Variants in LITAF observed in about 807,000 individuals in gnomAD.
LITAF encodes lipopolysaccharide induced TNF factor.
A neutral mutation model predicts 14.5 loss-of-function variants in LITAF; 9 were observed. The observed-to-expected ratio is 0.62, with a 90% confidence interval of 0.37 to 1.08. The LOEUF is 1.08. Among genes scored for constraint, LITAF ranks in the 50% least tolerant of loss-of-function variants. The pLI is 0.01. For synonymous variants in LITAF, 98 were observed against 88.2 expected (o/e 1.11, Z -0.62); for missense variants, 206 against 213.4 (o/e 0.97, Z 0.22).
chr16:11,613,158 T>G (rs13331560), intron 3 of LITAF, among the ~76,000 whole-genome samples: 78,901 of 152,042 alleles, frequency 0.52, 23,222 homozygotes, highest in African/African-American at 0.81. Context: ...TCCTGCCTCA[T>G]CCTCCCGAGT....
At chr16:11,631,848 CTTTTCT>C (rs1028843130) in intron 3 of LITAF, among the ~76,000 whole-genome samples, 11 of 142,592 alleles carry the variant, frequency 7.7e-5, no homozygotes, top group Non-Finnish European at 1.5e-4. Flanking sequence ...ATTTTCTTTT[CTTTTCT>C]TTTTTTTTTT....
intron 3 of LITAF, chr16:11,633,437 T>G (rs2065126662): frequency 6.6e-6 from 1 of 152,214 alleles, no homozygotes; most frequent in Non-Finnish European, 1.5e-5. Context: ...TTAGGCATTC[T>G]AAGTCACGGG....
At chr16:11,635,708 T>C (rs2065135451) in intron 2 of LITAF, 1 of 152,280 alleles carries the variant, frequency 6.6e-6, no homozygotes, top group South Asian at 2.1e-4. Context: ...TCCCTTCCTC[T>C]GGGCCAGTGT....
At chr16:11,633,765 C>T (rs935678224) in intron 2 of LITAF, 1 of 152,174 alleles carries the variant, frequency 6.6e-6, no homozygotes. Context: ...AGTGGCCATT[C>T]TTTATTCCTT....
chr16:11,617,017 C>T (rs1436241397), intron 3 of LITAF, among the ~76,000 whole-genome samples: 2 of 151,216 alleles, frequency 1.3e-5, no homozygotes, highest in East Asian at 2.0e-4. Context: ...GTCAGGAGTT[C>T]GAGACCAGCC....
chr16:11,569,724 A>C (rs1267091020), intron 1 of LITAF, among the ~76,000 whole-genome samples: 1 of 152,220 alleles, frequency 6.6e-6, no homozygotes, highest in Non-Finnish European at 1.5e-5. Flanking sequence ...GGAAATAAAA[A>C]GGGCTAAAAG....
At chr16:11,598,180 G>A (rs1302877966) in intron 1 of LITAF, among the ~76,000 whole-genome samples, 1 of 152,134 alleles carries the variant, frequency 6.6e-6, no homozygotes, top group South Asian at 2.1e-4. Context: ...TTACAGGCAT[G>A]AGCCTCTGTG....
chr16:11,638,837 C>T (rs1475817815), upstream of LITAF, among the ~76,000 whole-genome samples: 1 of 149,570 alleles, frequency 6.7e-6, no homozygotes, highest in Admixed American at 6.7e-5. Flanking sequence ...ATTTTTAATT[C>T]CACAATCTCA....
chr16:11,568,012 G>C (rs1295381209), intron 1 of LITAF, among the ~76,000 whole-genome samples: 1 of 151,686 alleles, frequency 6.6e-6, no homozygotes. Context: ...TTCCAGCAGG[G>C]CACAGTGACT....
upstream of LITAF, among the ~76,000 whole-genome samples, chr16:11,602,529 G>C (rs1051171709): frequency 1.8e-4 from 27 of 152,038 alleles, no homozygotes; most frequent in African/African-American, 6.3e-4. Flanking sequence ...GTCTACAGCA[G>C]GTGTCTGTCT....
intron 3 of LITAF, among the ~76,000 whole-genome samples, chr16:11,627,548 T>TA (rs1292926384): frequency 1.3e-5 from 2 of 152,190 alleles, no homozygotes; most frequent in Non-Finnish European, 2.9e-5. Flanking sequence ...GTATTAGACT[T>TA]AAAAAAATAC....
At chr16:11,624,492 A>G (rs2065071361) in intron 3 of LITAF, among the ~76,000 whole-genome samples, 1 of 152,228 alleles carries the variant, frequency 6.6e-6, no homozygotes, top group East Asian at 1.9e-4. Flanking sequence ...AAGGAGCCCT[A>G]GATGCTGACA....
At position 11,577,443 on chromosome 16, in the gene LITAF, G is replaced by A. The variant is rs1040151226; in HGVS notation, c.-6+9443C>T. Among the ~76,000 whole-genome samples, 57 of 148,836 alleles carry A rather than the reference G, an allele frequency of 3.8e-4. 2 individuals are homozygous for A. Among genetic ancestry groups the A allele is most frequent in the Admixed American group, 3.7e-3 (54 of 14,552 alleles). ...AGCAATTGTCCTGCCTCAGCCTCCC[G>A]AGTAGCCGAGATTACAGGCACCCAC... On this transcript the variant is annotated intron_variant, in intron 1 of 3. Coordinates refer to ENST00000622633, the MANE Select transcript of LITAF (RefSeq NM_001136472.2).
chr16:11,553,359 C>T lies in LITAF; in HGVS notation c.377+174G>A, dbSNP rs953157660. The T allele has an allele frequency of 1.9e-5, 13 of 679,628 alleles. No individual in the cohort carries two copies. The highest frequency in any genetic ancestry group is 3.6e-5 in the African/African-American group (2 of 56,002). 42.1% of individuals were successfully genotyped at this position (679,628 alleles called of 1,614,324 possible). A position where few individuals can be genotyped will look rare whatever the true frequency, so the allele number is the denominator to read the frequency against. On this transcript the variant is annotated intron_variant, in intron 3 of 3. Coordinates refer to ENST00000622633, the MANE Select transcript of LITAF (RefSeq NM_001136472.2). This position sits in a 1 kb window ranked among gnomAD's most constrained non-coding sequence, Gnocchi z 7.7. The stretch of plus-strand genomic sequence containing the variant: ...CTGAGCAGTGGGGGTTACAGTGAGC[C>T]GAGATCGCCCCACTGTACTCCAGCC...
rs2064310021 is a variant in LITAF at position 11,558,579 on chromosome 16, A to G, written c.-5-1844T>C. Among the ~76,000 whole-genome samples, 1 of 152,158 alleles carries G rather than the reference A, an allele frequency of 6.6e-6. No homozygotes were observed. The highest frequency in any genetic ancestry group is 3.4e-3 in the Middle Eastern group (1 of 294). On this transcript the variant is annotated intron_variant, in intron 1 of 3. Transcript: ENST00000622633. The surrounding 1 kb of genome is among the most constrained non-coding windows in gnomAD (Gnocchi z 4.1). ...AAAAAGTAGCCAGGTGTAGTGGCAC[A>G]CACCTGTAATCCCAGCTACTTAGGA...
At chr16:11,620,107 G>A (rs986257371) in intron 3 of LITAF, among the ~76,000 whole-genome samples, 1 of 150,508 alleles carries the variant, frequency 6.6e-6, no homozygotes, top group Non-Finnish European at 1.5e-5. Context: ...GGCAGAGGCT[G>A]CAGAGAGCCG....
chr16:11,557,078 G>GT (rs1003956684), intron 1 of LITAF, among the ~76,000 whole-genome samples: 10 of 148,126 alleles, frequency 6.8e-5, no homozygotes, highest in East Asian at 2.0e-4. Context: ...TTTTTTGTTT[G>GT]TTTTTTTGTG....
rs777151654 is a variant in LITAF at position 11,568,050 on chromosome 16, G to C, written c.-5-11315C>G. On this transcript the variant is annotated intron_variant, in intron 1 of 3. Coordinates refer to ENST00000622633, the MANE Select transcript of LITAF (RefSeq NM_001136472.2). ...CACCTGTAATCCCAGCACTTTGGAA[G>C]CCCAAGGCGGGAGGATGGCATGAGC... Among the ~76,000 whole-genome samples, 37 of 152,004 alleles carry C rather than the reference G, an allele frequency of 2.4e-4. 1 individual carries two copies. The highest frequency in any genetic ancestry group is 2.2e-4 in the Non-Finnish European group (15 of 68,028).
rs1215098883 is a variant in LITAF, at chr16:11,605,867, C to T, written c.85+27666G>A. ...GCACCAGGAGGTAGGTTCCACTGTT[C>T]CCACGGAAACTTATCAATAGCTGCC... On this transcript the variant is annotated intron_variant, in intron 3 of 3. Coordinates refer to the LITAF transcript ENST00000574848. This position sits in a 1 kb window ranked among gnomAD's most constrained non-coding sequence, Gnocchi z 4.7. 1.3e-5 allele frequency among the ~76,000 whole-genome samples: 2 copies of T among 152,164 alleles called. No individual in the cohort carries two copies. Among genetic ancestry groups the T allele is most frequent in the Non-Finnish European group, 2.9e-5 (2 of 68,034 alleles).
Sources: allele counts gnomAD v4.1 joint callset (sites outside exome capture counted in the v4.1 genomes callset), GRCh38; gene constraint gnomAD v4.1.1; non-coding constraint Gnocchi (gnomAD v3.1); transcripts MANE v1.5; gene names NCBI Gene and HGNC (gene_info 2026-07-23, HGNC 2026-07-21).